SYT1: variants seen among roughly 807,000 people sequenced by gnomAD.
SYT1 encodes synaptotagmin 1.
A neutral mutation model predicts 44.8 loss-of-function variants in SYT1; 8 were observed. That is an observed-to-expected ratio of 0.18 (90% CI 0.10 to 0.32). SYT1 has a LOEUF of 0.32. Among genes scored for constraint, SYT1 ranks in the 10% least tolerant of loss-of-function variants. The pLI, the probability that SYT1 is intolerant of heterozygous loss-of-function variation, is 1.00. For synonymous variants in SYT1, 154 were observed against 188.8 expected, an observed-to-expected ratio of 0.82 and a Z score of 1.51; for missense variants, 286 against 509.3, an observed-to-expected ratio of 0.56 and a Z score of 4.22.
intron 2 of SYT1, among the ~76,000 whole-genome samples, chr12:78,994,426 C>G (rs11614645): frequency 0.084 from 12,728 of 151,222 alleles, 662 homozygotes; most frequent in African/African-American, 0.14. Context: ...CTAGCTCTTT[C>G]ACATTTACTT....
At chr12:79,177,082 C>A (rs1311127138) in intron 3 of SYT1, among the ~76,000 whole-genome samples, 1 of 133,860 alleles carries the variant, frequency 7.5e-6, no homozygotes, top group Non-Finnish European at 1.6e-5. Context: ...TTTTAGGGTA[C>A]ATGTGCACAT....
intron 3 of SYT1, among the ~76,000 whole-genome samples, chr12:79,081,119 CAG>C (rs1281871937): frequency 2.0e-5 from 3 of 152,098 alleles, no homozygotes; most frequent in Non-Finnish European, 4.4e-5. Context: ...TTTAAAAAGA[CAG>C]AGATCTTGGA....
At chr12:79,380,561 AT>A (rs1884175489) in intron 9 of SYT1, among the ~76,000 whole-genome samples, 1 of 152,012 alleles carries the variant, frequency 6.6e-6, no homozygotes, top group African/African-American at 2.4e-5. Context: ...TGCTCTGCTA[AT>A]TTTTTTAATA....
intron 2 of SYT1, among the ~76,000 whole-genome samples, chr12:79,006,025 A>G (rs1411539429): frequency 6.6e-6 from 1 of 152,138 alleles, no homozygotes; most frequent in Non-Finnish European, 1.5e-5. Context: ...TTAAGATGCC[A>G]AAAGACCACA....
chr12:79,287,811 G>A (rs563205938), intron 5 of SYT1, among the ~76,000 whole-genome samples: 342 of 152,134 alleles, frequency 2.2e-3, no homozygotes, highest in Admixed American at 4.4e-3. Flanking sequence ...GAATTAATGG[G>A]GGTTAATTTT....
In SYT1 at chr12:79,313,306, G is replaced by C. The variant is rs566024240; in HGVS notation, c.810+13755G>C. On this transcript the variant is annotated intron_variant, in intron 8 of 10. Transcript: ENST00000261205. ...TATTGAAACATTACAACAGTGTTTT[G>C]TTGCACCAATTTTATAAACTTATGC... 7.2e-5 allele frequency among the ~76,000 whole-genome samples: 11 copies of C among 152,192 alleles called. No homozygotes were observed. In the East Asian group the frequency reaches 1.7e-3, roughly 24 times the overall value.
At chr12:79,366,419 CTT>C (rs1318159833) in intron 9 of SYT1, among the ~76,000 whole-genome samples, 2 of 152,238 alleles carry the variant, frequency 1.3e-5, no homozygotes, top group Non-Finnish European at 2.9e-5. Flanking sequence ...AGGAATTTAA[CTT>C]TATAGAAATG....
In SYT1 at chr12:79,299,485, G is replaced by C; in HGVS notation, c.744G>C (p.Met248Ile). Reference protein sequence around the residue: ...HDIIGEFKVPMNTVDFGHVTE... With the variant: ...HDIIGEFKVPINTVDFGHVTE... ...TCATTGGAGAATTTAAAGTCCCTATGAACACAGTGGATTTTGGCCATGTAA... is the reference window on the plus strand; with the variant it reads ...TCATTGGAGAATTTAAAGTCCCTATCAACACAGTGGATTTTGGCCATGTAA... Residue 248 changes from methionine (M) to isoleucine (I), a missense_variant, in exon 8 of 11, where the codon ATG (methionine) becomes ATC (isoleucine). Met to Ile is a conservative substitution (Grantham distance 10, BLOSUM62 1). Around this residue, in one of 6 missense-constraint regions of SYT1, gnomAD observed 81 missense variants for 164.9 expected, o/e 0.49. Coordinates refer to ENST00000261205, the MANE Select transcript of SYT1 (RefSeq NM_005639.3). 1 of 1,613,580 alleles carries C rather than the reference G, an allele frequency of 6.2e-7. No homozygotes were observed. The highest frequency in any genetic ancestry group is 8.5e-7 in the Non-Finnish European group (1 of 1,179,640).
At chr12:79,183,945 T>C (rs1872674658) in intron 3 of SYT1, among the ~76,000 whole-genome samples, 2 of 152,060 alleles carry the variant, frequency 1.3e-5, no homozygotes, top group Non-Finnish European at 1.5e-5. Flanking sequence ...CCTTAGCAGC[T>C]CACAGCAGGG....
chr12:79,364,631 A>G (rs1883465798), intron 9 of SYT1, among the ~76,000 whole-genome samples: 1 of 152,214 alleles, frequency 6.6e-6, no homozygotes, highest in Admixed American at 6.5e-5. Context: ...AAAAGAATTA[A>G]GCGCATTTAT....
rs1356471249 is a variant in SYT1, at chr12:78,987,708, C to T, written c.-84+9777C>T. On this transcript the variant is annotated intron_variant, in intron 2 of 10. Coordinates refer to ENST00000261205, the MANE Select transcript of SYT1 (RefSeq NM_005639.3). ...TATAAAAAAACCCTAAAAAGCCAGCCTATACCAAGCTCAGATGGGCTTACT... is the reference window on the plus strand; with the variant it reads ...TATAAAAAAACCCTAAAAAGCCAGCTTATACCAAGCTCAGATGGGCTTACT... 2.0e-5 allele frequency among the ~76,000 whole-genome samples: 3 copies of T among 152,102 alleles called. No individual in the cohort carries two copies. The East Asian group carries it at 5.8e-4, about 29-fold the overall frequency.
At chr12:78,983,106 G>A (rs17205307) in intron 2 of SYT1, among the ~76,000 whole-genome samples, 7,163 of 150,550 alleles carry the variant, frequency 0.048, 209 homozygotes, top group Admixed American at 0.087. Context: ...TTTTCAGTCA[G>A]TAATCCTACT....
At chr12:78,953,401 G>C (rs887604214) in intron 1 of SYT1, among the ~76,000 whole-genome samples, 51 of 152,034 alleles carry the variant, frequency 3.4e-4, no homozygotes, top group Non-Finnish European at 4.4e-5. Flanking sequence ...TACTTAGATG[G>C]ATTAGTTCAC....
At chr12:79,125,122 A>C (rs1414688089) in intron 3 of SYT1, among the ~76,000 whole-genome samples, 1 of 152,144 alleles carries the variant, frequency 6.6e-6, no homozygotes, top group Non-Finnish European at 1.5e-5. Context: ...CGAATAATCC[A>C]TCCATTTTTT....
chr12:79,339,022 T>A (rs1329485062), intron 8 of SYT1, among the ~76,000 whole-genome samples: 3 of 152,234 alleles, frequency 2.0e-5, no homozygotes, highest in Non-Finnish European at 4.4e-5. Context: ...GGCTGCGTAG[T>A]ATTCCATGGT....
rs191586190 is a variant in SYT1 at position 79,384,763 on chromosome 12, G to A, written c.928+31144G>A. ...ATAGCAGAAAACAAGAATGAAAGCT[G>A]ATTTTCTATTGTTGGCCGATGTGAA... On this transcript the variant is annotated intron_variant, in intron 9 of 10. Transcript: ENST00000261205. Among the ~76,000 whole-genome samples the A allele has an allele frequency of 3.2e-4, 48 of 152,168 alleles. No homozygotes were observed. In the East Asian group the frequency reaches 8.9e-3, roughly 28 times the overall value.
At chr12:78,908,222 T>C (rs1240168436) in intron 1 of SYT1, among the ~76,000 whole-genome samples, 4 of 151,958 alleles carry the variant, frequency 2.6e-5, no homozygotes, top group Admixed American at 2.6e-4. Flanking sequence ...AGTTTCCTCA[T>C]ATCCACAATC....
chr12:79,087,259 G>A (rs1233384713), intron 3 of SYT1, among the ~76,000 whole-genome samples: 2 of 151,976 alleles, frequency 1.3e-5, no homozygotes, highest in African/African-American at 2.4e-5. Context: ...CAGGTTTATG[G>A]GACAGCTATT....
intron 9 of SYT1, among the ~76,000 whole-genome samples, chr12:79,387,132 T>C (rs903600229): frequency 3.9e-5 from 6 of 152,216 alleles, no homozygotes; most frequent in Admixed American, 2.6e-4. Flanking sequence ...TATCTTCATT[T>C]TCAGCATTTC....
Sources: gnomAD v4.1 joint callset for allele counts (sites outside exome capture counted in the v4.1 genomes callset) on GRCh38, gnomAD v4.1.1 for gene constraint, gnomAD v4.1.1 regional missense constraint, MANE v1.5 for transcripts, NCBI Gene and HGNC (gene_info 2026-07-23, HGNC 2026-07-21) for gene names.